Variants in PLEKHG4 observed in about 807,000 individuals in gnomAD.
PLEKHG4 encodes the protein pleckstrin homology and RhoGEF domain containing G4.
In PLEKHG4, 85 loss-of-function variants were observed where a neutral mutation model predicts 136.9. The ratio of observed to expected loss-of-function variants is 0.62; its 90% confidence interval spans 0.52 to 0.74. PLEKHG4 has a LOEUF of 0.74. PLEKHG4 is among the 30% of genes least tolerant of loss of function. The pLI is 0.00. For missense variants in PLEKHG4, 1,317 were observed against 1,527.8 expected, an observed-to-expected ratio of 0.86 and a Z score of 2.30; for synonymous variants, 577 against 646.9, an observed-to-expected ratio of 0.89 and a Z score of 1.64.
intron 19 of PLEKHG4, 76 bp downstream of exon 19, chr16:67,288,090 C>A: frequency 6.5e-7 from 1 of 1,527,324 alleles, no homozygotes; most frequent in Non-Finnish European, 9.1e-7. Flanking sequence ...TCCATTAGTG[C>A]TGGCCCGCAC....
At chr16:67,281,054 T>C (rs1324392081) in intron 4 of PLEKHG4, 37 bp from the exon 5 acceptor site, 6 of 1,613,820 alleles carry the variant, frequency 3.7e-6, no homozygotes, top group Non-Finnish European at 5.1e-6. Context: ...CTGTGAGGAC[T>C]GGGAGTCAGG....
Position 67,284,382 on chromosome 16 carries a change from T to A in PLEKHG4, c.1617T>A (p.Thr539=), listed in dbSNP as rs1257720268. The change falls in exon 12 of 22, where the codon ACT becomes ACA. Residue 539 remains threonine (T), a synonymous_variant. Transcript: ENST00000379344. This position sits in a 1 kb window ranked among gnomAD's most constrained non-coding sequence, Gnocchi z 4.4. ...ARFLALRAQL[T]EFSRALAQRC... The stretch of plus-strand genomic sequence containing the variant: ...TTCTGGCCCTGCGAGCCCAGCTGAC[T>A]GAATTCTCTAGGGCTTTGGCCCAGC... 1 of 1,614,002 alleles carries A rather than the reference T, an allele frequency of 6.2e-7. No homozygotes were observed. The highest frequency in any genetic ancestry group is 8.5e-7 in the Non-Finnish European group (1 of 1,180,016).
At position 67,284,550 on chromosome 16, in the gene PLEKHG4, C is replaced by G. The variant is rs138045754; in HGVS notation, c.1692+93C>G. ...AGAGCCTGAGCTTTTCTTGGTCATG[C>G]TGCCTGTTCTCTTCCCTGGTCTTCA... On this transcript the variant is annotated intron_variant, in intron 12 of 21. Coordinates refer to ENST00000379344, the MANE Select transcript of PLEKHG4 (RefSeq NM_001129729.3). The surrounding 1 kb of genome is among the most constrained non-coding windows in gnomAD (Gnocchi z 4.4). 6.7e-5 allele frequency: 100 copies of G among 1,490,158 alleles called. No individual in the cohort carries two copies. Among genetic ancestry groups the G allele is most frequent in the Middle Eastern group, 2.1e-4 (1 of 4,690 alleles). 92.3% of individuals were successfully genotyped at this position (1,490,158 alleles called of 1,614,324 possible).
At chr16:67,287,306 G>A (rs1382303954) in intron 18 of PLEKHG4, 129 bp downstream of exon 18, 5 of 944,952 alleles carry the variant, frequency 5.3e-6, no homozygotes, top group South Asian at 4.1e-5. Context: ...ACCAGTGCAG[G>A]AGAAAGGATT....
At position 67,286,979 on chromosome 16, in the gene PLEKHG4, CCT is replaced by C; in HGVS notation, c.2926-15_2926-14del. The C allele has an allele frequency of 1.9e-6, 3 of 1,613,146 alleles. No homozygotes were observed. The highest frequency in any genetic ancestry group is 2.5e-6 in the Non-Finnish European group (3 of 1,179,974). On this transcript the variant is annotated intron_variant, in intron 17 of 21. Coordinates refer to ENST00000379344, the MANE Select transcript of PLEKHG4 (RefSeq NM_001129729.3). ...TTCCCGCCCCATGCCTTACCAAGCC[CCT>C]CTCTCCCGCTGGCCACAGATGGCAG...
chr16:67,287,829 G>C (rs1161404513), intron 18 of PLEKHG4, 69 bp from the exon 19 acceptor site: 3 of 974,200 alleles, frequency 3.1e-6, no homozygotes, highest in Non-Finnish European at 3.4e-6. Flanking sequence ...GACTTATCTG[G>C]GGGGTGGTAG....
In PLEKHG4 at chr16:67,280,638, C is replaced by T; in HGVS notation, c.500-73C>T. Reference sequence around the variant, plus strand: ...TTGGAGGTCTCTGACCCTACTCAGGCTGAAGCCCGGGTCCAAGTAGGGGTC... The same window carrying T: ...TTGGAGGTCTCTGACCCTACTCAGGTTGAAGCCCGGGTCCAAGTAGGGGTC... On this transcript the variant is annotated intron_variant, in intron 2 of 21. Coordinates refer to ENST00000379344, the MANE Select transcript of PLEKHG4 (RefSeq NM_001129729.3). This position sits in a 1 kb window ranked among gnomAD's most constrained non-coding sequence, Gnocchi z 4.4. 6.2e-7 allele frequency: 1 copy of T among 1,612,296 alleles called. No homozygotes were observed. Among genetic ancestry groups the T allele is most frequent in the South Asian group, 1.1e-5 (1 of 91,066 alleles).
rs2036229030 is a variant in PLEKHG4 at position 67,281,590 on chromosome 16, C to T, written c.837C>T (p.Tyr279=). 3 of 1,613,784 alleles carry T rather than the reference C, an allele frequency of 1.9e-6. No individual in the cohort carries two copies. In the African/African-American group the frequency reaches 4.0e-5, roughly 22 times the overall value. ...QLQEAAPGAV[Y]QVLLVGSTLL... The stretch of plus-strand genomic sequence containing the variant: ...AGGAAGCAGCCCCAGGGGCCGTGTA[C>T]CAGGTGCTGCTAGTGGGAAGCACGC... The change falls in exon 6 of 22, where the codon TAC becomes TAT. Residue 279 remains tyrosine, a synonymous_variant. Coordinates refer to ENST00000379344, the MANE Select transcript of PLEKHG4 (RefSeq NM_001129729.3).
At position 67,282,552 on chromosome 16, in the gene PLEKHG4, C is replaced by G; in HGVS notation, c.1303C>G (p.Leu435Val). Reference sequence around the variant, plus strand: ...GCTATATGACCGGGTGGATGGATTGCTGCACCAACTGACCCTGCAGAGCAA... The same window carrying G: ...GCTATATGACCGGGTGGATGGATTGGTGCACCAACTGACCCTGCAGAGCAA... ...DELYDRVDGL[L>V]HQLTLQSNQR... Residue 435 changes from leucine to valine, a missense_variant, in exon 10 of 22, where the codon CTG becomes GTG. Transcript: ENST00000379344. 6.2e-7 allele frequency: 1 copy of G among 1,614,128 alleles called. No individual in the cohort carries two copies. The highest frequency in any genetic ancestry group is 8.5e-7 in the Non-Finnish European group (1 of 1,180,026).
intron 9 of PLEKHG4, 29 bp downstream of exon 9, chr16:67,282,378 G>T: frequency 6.2e-7 from 1 of 1,611,018 alleles, no homozygotes. Context: ...CCCAGATCTT[G>T]CCCCAGCCCA....
Position 67,280,846 on chromosome 16 carries a change from C to T in PLEKHG4, c.596-36C>T, listed in dbSNP as rs764397738. 6.2e-7 allele frequency: 1 copy of T among 1,613,522 alleles called. No individual in the cohort carries two copies. Among genetic ancestry groups the T allele is most frequent in the Non-Finnish European group, 8.5e-7 (1 of 1,180,036 alleles). ...CTAGAGGCGGTGGAGGTGGAGTGGC[C>T]CAATACGGCAGGAGTTCACTGCTTC... On this transcript the variant is annotated intron_variant, in intron 3 of 21. Transcript: ENST00000379344. The surrounding 1 kb of genome is among the most constrained non-coding windows in gnomAD (Gnocchi z 4.4).
rs548687061 is a variant in PLEKHG4 at position 67,285,545 on chromosome 16, G to A, written c.2442+9G>A. ...ATGCCTTCCTGCGCCATGTAAGCCC[G>A]ACAGGCCATGTGGTATCAGCTCGTT... On this transcript the variant is annotated intron_variant, in intron 14 of 21. Transcript: ENST00000379344. 1.1e-5 allele frequency: 17 copies of A among 1,604,604 alleles called. 1 individual carries two copies. Among genetic ancestry groups the A allele is most frequent in the East Asian group, 4.5e-5 (2 of 44,872 alleles).
Position 67,289,042 on chromosome 16 carries a change from T to G in PLEKHG4, c.*234T>G, listed in dbSNP as rs2036624146. 1.6e-6 allele frequency: 1 copy of G among 631,872 alleles called. No individual in the cohort carries two copies. Among genetic ancestry groups the G allele is most frequent in the Non-Finnish European group, 2.9e-6 (1 of 347,468 alleles). The allele number at this position is 631,872 out of a possible 1,614,324, so 39.1% of individuals were successfully genotyped here. ...AGGCTCCTGGCCCCATGACCCCTTC[T>G]CCTGTCCCCAGCTCCCATCCCAGTT... On this transcript the variant is annotated 3_prime_UTR_variant, in exon 22 of 22. Coordinates refer to ENST00000379344, the MANE Select transcript of PLEKHG4 (RefSeq NM_001129729.3).
rs2036175094 is a variant in PLEKHG4, at chr16:67,280,756, C to T, written c.545C>T (p.Ala182Val). 6.2e-7 allele frequency: 1 copy of T among 1,614,014 alleles called. No homozygotes were observed. The highest frequency in any genetic ancestry group is 8.5e-7 in the Non-Finnish European group (1 of 1,180,046). ...GLPKPADCLL[A>V]QDLCWELLAS... ...CCTAAGCCTGCTGACTGCCTCCTGGCCCAAGACCTCTGTTGGGAGCTGCTG... is the reference window on the plus strand; with the variant it reads ...CCTAAGCCTGCTGACTGCCTCCTGGTCCAAGACCTCTGTTGGGAGCTGCTG... Residue 182 changes from alanine (A) to valine (V), a missense_variant, in exon 3 of 22, where the codon GCC becomes GTC. By Grantham distance (64) the Ala-to-Val change is moderately conservative (BLOSUM62 0). Coordinates refer to ENST00000379344, the MANE Select transcript of PLEKHG4 (RefSeq NM_001129729.3). This position sits in a 1 kb window ranked among gnomAD's most constrained non-coding sequence, Gnocchi z 4.4.
In PLEKHG4 at chr16:67,284,488, T is replaced by C; in HGVS notation, c.1692+31T>C. The stretch of plus-strand genomic sequence containing the variant: ...TGAGAGTCTCCCCAGCTCCAAGTGA[T>C]CCATGAGGCCGGAGGGATGGCAGCC... On this transcript the variant is annotated intron_variant, in intron 12 of 21. Coordinates refer to ENST00000379344, the MANE Select transcript of PLEKHG4 (RefSeq NM_001129729.3). The surrounding 1 kb of genome is among the most constrained non-coding windows in gnomAD (Gnocchi z 4.4). 6.2e-7 allele frequency: 1 copy of C among 1,608,840 alleles called. No homozygotes were observed. Among genetic ancestry groups the C allele is most frequent in the Non-Finnish European group, 8.5e-7 (1 of 1,175,860 alleles).
rs2036294567 is a variant in PLEKHG4 at position 67,282,772 on chromosome 16, C to G, written c.1423C>G (p.Pro475Ala). Residue 475 changes from proline to alanine, a missense_variant, in exon 11 of 22, where the codon CCA becomes GCA. Pro to Ala is a conservative substitution (Grantham distance 27). Coordinates refer to ENST00000379344, the MANE Select transcript of PLEKHG4 (RefSeq NM_001129729.3). ...AGTGTGGCTGCAGCAGGTGGGCTGG[C>G]CAGCACTGGAGGAGGCTGGGGAGCC... ...IEVWLQQVGW[P>A]ALEEAGEPSL... 6.2e-7 allele frequency: 1 copy of G among 1,613,480 alleles called. No homozygotes were observed. The highest frequency in any genetic ancestry group is 8.5e-7 in the Non-Finnish European group (1 of 1,180,010).
Position 67,284,647 on chromosome 16 carries a change from G to A in PLEKHG4, c.1693-66G>A. ...CCTGTGGGGATGGGGAGTGGGTAGA[G>A]GAGCAGAGTGCCCAGCAGGCTTGGC... On this transcript the variant is annotated intron_variant, in intron 12 of 21. Transcript: ENST00000379344. This position sits in a 1 kb window ranked among gnomAD's most constrained non-coding sequence, Gnocchi z 4.4. 3.1e-6 allele frequency: 5 copies of A among 1,588,284 alleles called. No homozygotes were observed. Among genetic ancestry groups the A allele is most frequent in the Non-Finnish European group, 4.3e-6 (5 of 1,165,350 alleles).
In PLEKHG4 at chr16:67,288,162, T is replaced by C. The variant is rs376758254; in HGVS notation, c.3221-5T>C. The C allele has an allele frequency of 6.2e-4, 998 of 1,613,264 alleles. 2 individuals carry two copies. The highest frequency in any genetic ancestry group is 7.7e-4 in the Non-Finnish European group (908 of 1,179,364). On this transcript the variant is annotated splice_polypyrimidine_tract_variant and splice_region_variant and intron_variant, in intron 19 of 21. Coordinates refer to ENST00000379344, the MANE Select transcript of PLEKHG4 (RefSeq NM_001129729.3). ...TGTCCCAACCTGACCCTCTCTCTTA[T>C]GCAGAAGTTCGCTCTCGGGCGTCCA...
At chr16:67,278,400 G>A (rs2036064667), upstream of PLEKHG4, 1 of 152,258 alleles carries the variant, frequency 6.6e-6, no homozygotes, top group Non-Finnish European at 1.5e-5. Context: ...TAGAGCCAGG[G>A]AAGCCGTTGC....
Sources: allele counts gnomAD v4.1 joint callset, GRCh38; gene constraint gnomAD v4.1.1; non-coding constraint Gnocchi (gnomAD v3.1); transcripts MANE v1.5; gene names NCBI Gene and HGNC (gene_info 2026-07-23, HGNC 2026-07-21).